The following LCORL variants were observed in gnomAD, a reference collection of about 807,000 sequenced individuals.
LCORL encodes the protein ligand-dependent nuclear receptor corepressor-like protein.
LCORL carries 41 observed loss-of-function variants against 141.8 expected under a neutral mutation model. The ratio of observed to expected loss-of-function variants is 0.29; its 90% CI spans 0.23 to 0.38. LCORL has a LOEUF of 0.38. LCORL is among the 10% of genes least tolerant of loss of function. The pLI, the probability that LCORL is intolerant of heterozygous loss-of-function variation, is 1.00. For missense variants in LCORL, 1,759 were observed against 2,035.0 expected (o/e 0.86, Z 2.61); for synonymous variants, 618 against 694.1 (o/e 0.89, Z 1.72).
intron 1 of LCORL, among the ~76,000 whole-genome samples, chr4:17,994,597 C>CTGTA (rs1720593442): frequency 6.6e-6 from 1 of 152,112 alleles, no homozygotes; most frequent in African/African-American, 2.4e-5. Context: ...GTATTATTCC[C>CTGTA]TTTGGAACAC....
At chr4:17,894,022 C>T (rs527958400) in intron 5 of LCORL, among the ~76,000 whole-genome samples, 204 of 152,254 alleles carry the variant, frequency 1.3e-3, no homozygotes, top group Middle Eastern at 3.4e-3. Context: ...TGGTCTTGAA[C>T]GCCTGACCTC....
At chr4:17,913,821 T>TA (rs1399905260) in intron 4 of LCORL, among the ~76,000 whole-genome samples, 3 of 152,104 alleles carry the variant, frequency 2.0e-5, no homozygotes, top group East Asian at 1.9e-4. Context: ...GTTAATAACG[T>TA]AAAAAAAATT....
At chr4:17,866,354 T>C (rs1321650122) in intron 7 of LCORL, among the ~76,000 whole-genome samples, 1 of 152,228 alleles carries the variant, frequency 6.6e-6, no homozygotes, top group African/African-American at 2.4e-5. Context: ...AACAGATTTG[T>C]GTATTTACTC....
intron 4 of LCORL, among the ~76,000 whole-genome samples, chr4:17,955,017 CAT>C (rs1380942080): frequency 1.3e-5 from 2 of 152,092 alleles, no homozygotes; most frequent in African/African-American, 2.4e-5. Context: ...TCAGCACACA[CAT>C]GATAATTAAA....
chr4:17,974,308 C>T (rs550797524), intron 1 of LCORL, among the ~76,000 whole-genome samples: 2 of 152,170 alleles, frequency 1.3e-5, no homozygotes, highest in Admixed American at 6.5e-5. Context: ...GCTTTCTTTA[C>T]TGCATTTTAG....
At chr4:17,878,429 C>T (rs1466211179) in intron 6 of LCORL, among the ~76,000 whole-genome samples, 2 of 151,310 alleles carry the variant, frequency 1.3e-5, no homozygotes, top group South Asian at 2.1e-4. Context: ...AAGCAAAGCC[C>T]TATTTTTGCA....
In LCORL at chr4:17,980,948, G is replaced by A. The variant is rs976075717; in HGVS notation, c.155-8063C>T. ...ATCCCAAAACCATGCCCCTGTCCATGGAAAAATTGTCTTTCACAAAACTGG... is the reference window on the plus strand; with the variant it reads ...ATCCCAAAACCATGCCCCTGTCCATAGAAAAATTGTCTTTCACAAAACTGG... On this transcript the variant is annotated intron_variant, in intron 1 of 7. Transcript: ENST00000635767. Among the ~76,000 whole-genome samples the A allele has an allele frequency of 3.3e-5, 5 of 152,132 alleles. No individual in the cohort carries two copies. The East Asian group carries it at 7.7e-4, about 23-fold the overall frequency.
intron 4 of LCORL, among the ~76,000 whole-genome samples, chr4:17,940,147 T>C (rs1210521017): frequency 2.3e-5 from 3 of 131,330 alleles, no homozygotes; most frequent in Non-Finnish European, 3.3e-5. Context: ...TATATATATG[T>C]ATATATGTAT....
exon 7 of LCORL, chr4:17,876,934 T>C: frequency 8.1e-7 from 1 of 1,230,770 alleles, no homozygotes; most frequent in Non-Finnish European, 1.0e-6. Flanking sequence ...TCAGCATGAT[T>C]TTTACCTTGA....
chr4:17,985,115 A>C (rs1031357085), intron 1 of LCORL, among the ~76,000 whole-genome samples: 5 of 151,808 alleles, frequency 3.3e-5, no homozygotes, highest in African/African-American at 4.8e-5. Flanking sequence ...ATTTTTATTG[A>C]GCTGTGGTCT....
exon 8 of LCORL, chr4:17,843,396 G>T: frequency 6.2e-7 from 1 of 1,611,602 alleles, no homozygotes; most frequent in Non-Finnish European, 8.5e-7. Flanking sequence ...ACTTAACCTT[G>T]CCCAATTTCT....
chr4:17,938,600 G>A (rs2109460908), intron 4 of LCORL, among the ~76,000 whole-genome samples: 1 of 151,320 alleles, frequency 6.6e-6, no homozygotes, highest in Non-Finnish European at 1.5e-5. Flanking sequence ...ATTTTTAGTA[G>A]AGATGGGGTT....
At chr4:17,918,969 T>A (rs1733887070) in intron 4 of LCORL, among the ~76,000 whole-genome samples, 1 of 151,636 alleles carries the variant, frequency 6.6e-6, no homozygotes, top group Admixed American at 6.6e-5. Flanking sequence ...AATAAAGTCA[T>A]CACAAGTAAG....
chr4:17,883,659 TACACACACACGCAAACACACAC>T (rs1727882607), intron 6 of LCORL: 3 of 1,433,850 alleles, frequency 2.1e-6, no homozygotes, highest in Non-Finnish European at 2.7e-6. Flanking sequence ...CCTGTGCACA[TACACACACACGCAAACACACAC>T]ACACACACAC....
chr4:17,979,249 G>C (rs968585094), intron 1 of LCORL, among the ~76,000 whole-genome samples: 1 of 152,172 alleles, frequency 6.6e-6, no homozygotes, highest in African/African-American at 2.4e-5. Context: ...AAAAAAGCTG[G>C]CATGATCATA....
chr4:17,873,681 C>T (rs748379380), exon 7 of LCORL: 17 of 1,233,746 alleles, frequency 1.4e-5, no homozygotes, highest in South Asian at 4.1e-5. Context: ...TAAAGTAAAG[C>T]GCTTTGATTC....
At chr4:17,961,011 T>TA (rs1487754464) in intron 4 of LCORL, among the ~76,000 whole-genome samples, 2 of 152,284 alleles carry the variant, frequency 1.3e-5, no homozygotes, top group East Asian at 3.9e-4. Flanking sequence ...AGTACTATTT[T>TA]AAACATTATT....
At chr4:17,966,373 T>C (rs551058051) in intron 2 of LCORL, among the ~76,000 whole-genome samples, 9 of 152,258 alleles carry the variant, frequency 5.9e-5, no homozygotes, top group Middle Eastern at 3.4e-3. Context: ...AGGAATATTA[T>C]GAACATCATG....
intron 1 of LCORL, among the ~76,000 whole-genome samples, chr4:17,987,572 G>A (rs896617632): frequency 6.6e-6 from 1 of 151,966 alleles, no homozygotes; most frequent in Non-Finnish European, 1.5e-5. Context: ...GAATATAATT[G>A]CTGGGTCATA....
Sources: allele counts gnomAD v4.1 joint callset (sites outside exome capture counted in the v4.1 genomes callset), GRCh38; gene constraint gnomAD v4.1.1; transcripts MANE v1.5; gene names NCBI Gene and HGNC (gene_info 2026-07-23, HGNC 2026-07-21).